Variants in CYP27B1 observed in about 807,000 individuals in gnomAD.
The protein encoded by CYP27B1 is 25-hydroxyvitamin D-1 alpha hydroxylase, mitochondrial.
In CYP27B1, 46 loss-of-function variants were observed where a neutral mutation model predicts 54.8. The observed-to-expected ratio is 0.84, with a 90% CI of 0.66 to 1.07. The LOEUF is 1.07. Among genes scored for constraint, CYP27B1 ranks in the 50% least tolerant of loss-of-function variants. The probability of loss-of-function intolerance (pLI) is 0.00; values close to 1 mark genes in which losing one functional copy is unlikely to be tolerated. For synonymous variants in CYP27B1, 292 were observed against 297.3 expected, an observed-to-expected ratio of 0.98 and a Z score of 0.18; for missense variants, 674 against 692.2, an observed-to-expected ratio of 0.97 and a Z score of 0.30.
chr12:57,763,673 CA>C lies in CYP27B1; in HGVS notation c.1350del (p.Phe450LeufsTer24). On this transcript the variant is annotated frameshift_variant, in exon 8 of 9. Transcript: ENST00000228606. LOFTEE classifies it high-confidence loss of function. ...CGTCTCCCCATACAGCTGCGCTTGC[CA>C]AAGCCAAAGGGAAGAGATGCAAATG... ...PHPFASLPFG[F>X]GKRSCMGRRL... 1 of 1,613,854 alleles carries C rather than the reference CA, an allele frequency of 6.2e-7. No homozygotes were observed.
chr12:57,764,051 G>T, intron 7 of CYP27B1, 47 bp downstream of exon 7: 1 of 1,482,330 alleles, frequency 6.7e-7, no homozygotes, highest in Non-Finnish European at 9.4e-7. Flanking sequence ...TGGGGCCCAA[G>T]ATAGTGAGGA....
chr12:57,763,612 T>C lies in CYP27B1; in HGVS notation c.1412A>G (p.Gln471Arg), dbSNP rs1471991050. 1 of 1,613,848 alleles carries C rather than the reference T, an allele frequency of 6.2e-7. No homozygotes were observed. Among genetic ancestry groups the C allele is most frequent in the Non-Finnish European group, 8.5e-7 (1 of 1,179,914 alleles). ...AGGTATAAAATCTAGAGCACTCACC[T>C]GGGCCAAAGCCATTTGCAATTCAAG... Reference protein sequence around the residue: ...AELELQMALAQILTHFEVQPE... With the variant: ...AELELQMALARILTHFEVQPE... The change falls in exon 8 of 9, where the codon CAG becomes CGG. Residue 471 changes from glutamine (Q) to arginine (R), a missense_variant and splice_region_variant. Transcript: ENST00000228606.
chr12:57,763,982 T>C, intron 7 of CYP27B1, 116 bp downstream of exon 7: 1 of 1,087,694 alleles, frequency 9.2e-7, no homozygotes. Flanking sequence ...AGGCATATCC[T>C]AGAGAGGGGT....
In CYP27B1 at chr12:57,767,006, G is replaced by T; in HGVS notation, c.36C>A (p.Phe12Leu). ...TQTLKYASRVFHRVRWAPELG... is the reference protein window; with the variant it reads ...TQTLKYASRVLHRVRWAPELG... ...ACTCGGGCGCCCAGCGGACGCGATG[G>T]AACACTCTGGAGGCGTACTTGAGGG... Residue 12 changes from phenylalanine to leucine, a missense_variant, in exon 1 of 9, where the codon TTC becomes TTA. Phe to Leu is a conservative substitution (Grantham distance 22, BLOSUM62 0). Coordinates refer to ENST00000228606, the MANE Select transcript of CYP27B1 (RefSeq NM_000785.4). 6.2e-7 allele frequency: 1 copy of T among 1,614,222 alleles called. No individual in the cohort carries two copies. Among genetic ancestry groups the T allele is most frequent in the East Asian group, 2.2e-5 (1 of 44,876 alleles).
chr12:57,764,223 C>T, intron 6 of CYP27B1, 47 bp from the exon 7 acceptor site: 1 of 1,569,622 alleles, frequency 6.4e-7, no homozygotes, highest in Non-Finnish European at 8.8e-7. Context: ...AGGCTAGGGG[C>T]TGCAGCCCCC....
Position 57,763,815 on chromosome 12 carries a change from C to T in CYP27B1, c.1216-7G>A. 1 of 1,613,796 alleles carries T rather than the reference C, an allele frequency of 6.2e-7. No homozygotes were observed. The highest frequency in any genetic ancestry group is 2.2e-5 in the East Asian group (1 of 44,866). On this transcript the variant is annotated splice_region_variant and splice_polypyrimidine_tract_variant and intron_variant, in intron 7 of 8. Transcript: ENST00000228606. ...GACACAGAGTGACCAGCGTCTGGTG[C>T]AAAGGAAAACAAACTTGTCAGTTTG...
Position 57,765,024 on chromosome 12 carries a change from C to T in CYP27B1, c.777G>A (p.Gln259=). The change falls in exon 4 of 9, where the codon CAG becomes CAA. Residue 259 remains glutamine, a synonymous_variant. Coordinates refer to ENST00000228606, the MANE Select transcript of CYP27B1 (RefSeq NM_000785.4). The surrounding 1 kb of genome is among the most constrained non-coding windows in gnomAD (Gnocchi z 5.8). ...PWGRLCRDWD[Q]MFAFAQRHVE... is the part of the protein sequence containing the mutation. ...CCTGTGCCTTACCAAATGCAAACAT[C>T]TGGTCCCAGTCTCGGCAGAGGCGGC... 6.2e-7 allele frequency: 1 copy of T among 1,613,880 alleles called. No homozygotes were observed. Among genetic ancestry groups the T allele is most frequent in the South Asian group, 1.1e-5 (1 of 91,092 alleles).
Position 57,766,080 on chromosome 12 carries a change from G to T in CYP27B1, c.313C>A (p.Pro105Thr). Residue 105 changes from proline (P) to threonine (T), a missense_variant, in exon 2 of 9, where the codon CCC becomes ACC. Coordinates refer to ENST00000228606, the MANE Select transcript of CYP27B1 (RefSeq NM_000785.4). ...CAGGGCGAGAAGCTGCAGCGCTCGG[G>T]CCGGGGTCCCTCCTGTCGCAGCAGC... ...EELLRQEGPR[P>T]ERCSFSPWTE... 1 of 1,552,422 alleles carries T rather than the reference G, an allele frequency of 6.4e-7. No homozygotes were observed.
intron 1 of CYP27B1, 80 bp from the exon 2 acceptor site, chr12:57,766,277 G>C (rs1955360258): frequency 2.6e-5 from 37 of 1,438,614 alleles, no homozygotes; most frequent in Middle Eastern, 1.8e-4. Flanking sequence ...CAAGGGCGTT[G>C]ACTGGGCTTG....
rs1955365275 is a variant in CYP27B1 at position 57,766,770 on chromosome 12, G to T, written c.195+77C>A. ...TCTCTGGCTGTCCCACATTTGCTCT[G>T]CACTAGTCAGTCCTTTCTGACGCTG... On this transcript the variant is annotated intron_variant, in intron 1 of 8. Coordinates refer to ENST00000228606, the MANE Select transcript of CYP27B1 (RefSeq NM_000785.4). 2.7e-6 allele frequency: 4 copies of T among 1,474,096 alleles called. No homozygotes were observed. The Admixed American group carries it at 6.7e-5, about 25-fold the overall frequency. The allele number at this position is 1,474,096 out of a possible 1,614,324, so 91.3% of individuals were successfully genotyped here. A position where few individuals can be genotyped will look rare whatever the true frequency, so the allele number is the denominator to read the frequency against.
rs550565740 is a variant in CYP27B1 at position 57,763,880 on chromosome 12, A to T, written c.1216-72T>A. ...CAGGCATGAAGAAGAGGATATTCAG[A>T]CAGGGACAAAGGCAGGTCCTGGTGG... On this transcript the variant is annotated intron_variant, in intron 7 of 8. Transcript: ENST00000228606. The T allele has an allele frequency of 4.6e-5, 68 of 1,492,042 alleles. 1 individual carries two copies. The South Asian group carries it at 6.3e-4, about 14-fold the overall frequency. The allele number at this position is 1,492,042 out of a possible 1,614,324, so 92.4% of individuals were successfully genotyped here.
rs1955335671 is a variant in CYP27B1, at chr12:57,763,625, T to C, written c.1399A>G (p.Met467Val). ...GRRLAELELQ[M>V]ALAQILTHFE... is the part of the protein sequence containing the mutation. ...AGAGCACTCACCTGGGCCAAAGCCA[T>C]TTGCAATTCAAGCTCTGCCAGGCGT... is the stretch of plus-strand genomic sequence containing the variant. The change falls in exon 8 of 9, where the codon ATG (methionine) becomes GTG (valine). Residue 467 changes from methionine (M) to valine (V), a missense_variant. Physicochemically the swap from Met to Val is conservative, Grantham distance 21. Coordinates refer to ENST00000228606, the MANE Select transcript of CYP27B1 (RefSeq NM_000785.4). The C allele has an allele frequency of 6.2e-7, 1 of 1,613,786 alleles. No homozygotes were observed. Among genetic ancestry groups the C allele is most frequent in the East Asian group, 2.2e-5 (1 of 44,832 alleles).
rs773538942 is a variant in CYP27B1, at chr12:57,763,194, C to T, written c.1475G>A (p.Arg492Gln). 1.4e-5 allele frequency: 22 copies of T among 1,614,012 alleles called. No homozygotes were observed. The highest frequency in any genetic ancestry group is 6.6e-5 in the South Asian group (6 of 91,086). The part of the protein sequence containing the change: ...PGAAPVRPKT[R>Q]TVLVPERSIN... ...GCTCCTTTCAGGTACCAGGACAGTC[C>T]GGGTCTTGGGTCTAACTGGGGCCGC... Residue 492 changes from arginine (R) to glutamine (Q), a missense_variant, in exon 9 of 9, where the codon CGG (arginine) becomes CAG (glutamine). By Grantham distance (43) the Arg-to-Gln change is conservative (BLOSUM62 1). Coordinates refer to ENST00000228606, the MANE Select transcript of CYP27B1 (RefSeq NM_000785.4).
intron 4 of CYP27B1, 33 bp from the exon 5 acceptor site, chr12:57,764,959 T>C (rs1013276602): frequency 1.2e-6 from 2 of 1,614,058 alleles, no homozygotes; most frequent in Non-Finnish European, 1.7e-6. Flanking sequence ...AATACCTCGC[T>C]ACCCCTGGAC....
intron 8 of CYP27B1, 106 bp from the exon 9 acceptor site, chr12:57,763,361 CA>C: frequency 1.1e-6 from 1 of 937,544 alleles, no homozygotes; most frequent in Non-Finnish European, 1.7e-6. Flanking sequence ...TTAGAATGGT[CA>C]ATGATTGGGT....
At position 57,763,389 on chromosome 12, in the gene CYP27B1, AG is replaced by A. The variant is rs1412913054; in HGVS notation, c.1414-135del. On this transcript the variant is annotated intron_variant, in intron 8 of 8. Transcript: ENST00000228606. Reference sequence around the variant, plus strand: ...TGATTGGGTGGCACCTGTGGCCAGTAGGGGACTTCTTGGTTAATAAGGGTGA... The same window carrying A: ...TGATTGGGTGGCACCTGTGGCCAGTAGGGACTTCTTGGTTAATAAGGGTGA... 1.5e-5 allele frequency: 13 copies of A among 857,110 alleles called. No individual in the cohort carries two copies. In the African/African-American group the frequency reaches 1.8e-4, roughly 12 times the overall value. 53.1% of individuals were successfully genotyped at this position (857,110 alleles called of 1,614,324 possible).
chr12:57,766,749 T>C (rs1362527144), intron 1 of CYP27B1, 98 bp downstream of exon 1: 1 of 1,314,498 alleles, frequency 7.6e-7, no homozygotes, highest in East Asian at 2.3e-5. Context: ...CCGTTCTCTC[T>C]GGCTGTCCCA....
rs556146256 is a variant in CYP27B1 at position 57,765,433 on chromosome 12, G to A, written c.453C>T (p.Ala151=). 2 of 1,612,702 alleles carry A rather than the reference G, an allele frequency of 1.2e-6. No individual in the cohort carries two copies. Among genetic ancestry groups the A allele is most frequent in the East Asian group, 2.2e-5 (1 of 44,848 alleles). Residue 151 remains alanine (A), a synonymous_variant, in exon 3 of 9, where the codon GCC becomes GCT. Transcript: ENST00000228606. The surrounding 1 kb of genome is among the most constrained non-coding windows in gnomAD (Gnocchi z 5.8). ...TGTTCAGGGTTCCGGCGTAGCGGGC[G>A]GCCGCTTGAGGCCGGAGGAGGAGCG... ...LAPLLLRPQA[A]ARYAGTLNNV... is the part of the protein sequence containing the mutation.
chr12:57,763,487 T>A, intron 8 of CYP27B1, 124 bp downstream of exon 8: 2 of 991,852 alleles, frequency 2.0e-6, no homozygotes, highest in Non-Finnish European at 3.2e-6. Flanking sequence ...GCTTATCATA[T>A]TTCAGAAGAT....
Sources: gnomAD v4.1 joint callset for allele counts on GRCh38, gnomAD v4.1.1 for gene constraint, Gnocchi (gnomAD v3.1) non-coding constraint, MANE v1.5 for transcripts, NCBI Gene and HGNC (gene_info 2026-07-23, HGNC 2026-07-21) for gene names.